The following RIC1 variants were observed in gnomAD, a reference collection of about 807,000 sequenced individuals.
The protein encoded by RIC1 is guanine nucleotide exchange factor subunit RIC1.
Under a neutral mutation model 169.0 loss-of-function variants are expected in RIC1, and 88 were observed. The observed-to-expected ratio is 0.52, with a 90% CI of 0.44 to 0.62. The LOEUF (loss-of-function observed/expected upper bound fraction) is 0.62, where lower values mean the gene tolerates loss of function less well. RIC1 is among the 20% of genes least tolerant of loss of function. The pLI is 0.00. For missense variants in RIC1, 1,877 were observed against 1,725.5 expected (o/e 1.09, Z -1.56); for synonymous variants, 790 against 601.5 (o/e 1.31, Z -4.59).
intron 2 of RIC1, among the ~76,000 whole-genome samples, chr9:5,659,880 G>T (rs1819345354): frequency 6.6e-6 from 1 of 152,154 alleles, no homozygotes; most frequent in South Asian, 2.1e-4. Flanking sequence ...TGTAGGATGT[G>T]TGGGTTTGTT....
chr9:5,641,380 C>T (rs528020890), intron 1 of RIC1, among the ~76,000 whole-genome samples: 110 of 152,126 alleles, frequency 7.2e-4, no homozygotes, highest in African/African-American at 2.1e-3. Flanking sequence ...CATGAGCCAC[C>T]GCGCCCGGCC....
intron 3 of RIC1, among the ~76,000 whole-genome samples, chr9:5,695,801 C>T (rs1267072131): frequency 6.6e-6 from 1 of 151,998 alleles, no homozygotes; most frequent in Non-Finnish European, 1.5e-5. Flanking sequence ...GAACTCCTGA[C>T]CTCAAGTGAT....
chr9:5,732,454 C>G lies in RIC1; in HGVS notation c.787C>G (p.Arg263Gly). 1 of 1,610,654 alleles carries G rather than the reference C, an allele frequency of 6.2e-7. No individual in the cohort carries two copies. Among genetic ancestry groups the G allele is most frequent in the Non-Finnish European group, 8.5e-7 (1 of 1,178,274 alleles). ...GTGTGTAGCAGTAAATAACAAGTAT[C>G]GACTAATGGCATTTGGCTGTGTGAG... ...GTCVAVNNKY[R>G]LMAFGCVSGS... The change falls in exon 7 of 26, where the codon CGA becomes GGA. Residue 263 changes from arginine (R) to glycine (G), a missense_variant. By Grantham distance (125) the Arg-to-Gly change is moderately radical (BLOSUM62 -2). Coordinates refer to ENST00000414202, the MANE Select transcript of RIC1 (RefSeq NM_020829.4).
Position 5,763,136 on chromosome 9 carries a change from C to T in RIC1, c.2113-4C>T. 6.2e-7 allele frequency: 1 copy of T among 1,610,878 alleles called. No individual in the cohort carries two copies. Among genetic ancestry groups the T allele is most frequent in the South Asian group, 1.1e-5 (1 of 90,834 alleles). On this transcript the variant is annotated splice_region_variant and splice_polypyrimidine_tract_variant and intron_variant, in intron 18 of 25. Transcript: ENST00000414202. The surrounding 1 kb of genome is among the most constrained non-coding windows in gnomAD (Gnocchi z 5.2). ...CAACTTGATTCTTGTCTCTCCTTCT[C>T]CAGCTGCCATTCTGTCCTCCTGTTG...
intron 1 of RIC1, among the ~76,000 whole-genome samples, chr9:5,632,984 G>C (rs147707148): frequency 0.028 from 4,261 of 152,258 alleles, 97 homozygotes; most frequent in Admixed American, 0.037. Context: ...AGACAGATGT[G>C]TATAAAAGGG....
At chr9:5,710,526 G>A (rs1002048574) in intron 3 of RIC1, among the ~76,000 whole-genome samples, 2 of 152,142 alleles carry the variant, frequency 1.3e-5, no homozygotes, top group African/African-American at 2.4e-5. Context: ...CTACCCTGCT[G>A]AAGTCCACCA....
At chr9:5,733,421 G>A (rs1824495238) in intron 7 of RIC1, among the ~76,000 whole-genome samples, 1 of 151,684 alleles carries the variant, frequency 6.6e-6, no homozygotes, top group Non-Finnish European at 1.5e-5. Flanking sequence ...CCACCACCAT[G>A]CCCAGCTAAT....
intron 3 of RIC1, chr9:5,712,865 A>T (rs1180744276): frequency 6.6e-6 from 1 of 152,210 alleles, no homozygotes; most frequent in Non-Finnish European, 1.5e-5. Context: ...TAGTTTAGTC[A>T]TTTAGACTTA....
At chr9:5,675,703 G>A (rs201533894) in intron 2 of RIC1, among the ~76,000 whole-genome samples, 31 of 152,138 alleles carry the variant, frequency 2.0e-4, no homozygotes, top group African/African-American at 7.2e-4. Context: ...TTTTAGGGGG[G>A]AAAAATGTAC....
chr9:5,689,937 A>T, intron 2 of RIC1, 22 bp from the exon 3 acceptor site: 1 of 1,481,386 alleles, frequency 6.8e-7, no homozygotes, highest in Non-Finnish European at 9.3e-7. Flanking sequence ...TTAATTCATG[A>T]TTAATAAAAT....
chr9:5,708,505 C>T (rs1257699149), intron 3 of RIC1, among the ~76,000 whole-genome samples: 4 of 152,018 alleles, frequency 2.6e-5, no homozygotes, highest in Admixed American at 1.3e-4. Flanking sequence ...TCTGGAAATT[C>T]ATTAATTTCT....
At chr9:5,642,385 C>T (rs948268754) in intron 1 of RIC1, among the ~76,000 whole-genome samples, 4 of 144,060 alleles carry the variant, frequency 2.8e-5, no homozygotes, top group African/African-American at 8.6e-5. Context: ...CCTGCTGTCA[C>T]CACCACCTGG....
chr9:5,659,091 A>C (rs1277478410), intron 2 of RIC1, among the ~76,000 whole-genome samples: 1 of 152,114 alleles, frequency 6.6e-6, no homozygotes, highest in East Asian at 1.9e-4. Flanking sequence ...TCATTAGTGG[A>C]TGTATATTAC....
At chr9:5,713,809 C>T in intron 3 of RIC1, 87 bp from the exon 4 acceptor site, 1 of 765,092 alleles carries the variant, frequency 1.3e-6, no homozygotes, top group Non-Finnish European at 2.2e-6. Context: ...AGTTTTATTT[C>T]ATTTACTTTA....
chr9:5,638,193 A>G (rs1818068285), intron 1 of RIC1, among the ~76,000 whole-genome samples: 1 of 152,230 alleles, frequency 6.6e-6, no homozygotes, highest in Non-Finnish European at 1.5e-5. Context: ...CCTGGAATAA[A>G]TACCACTTGT....
chr9:5,659,991 C>T (rs1217979057), intron 2 of RIC1, among the ~76,000 whole-genome samples: 1 of 152,120 alleles, frequency 6.6e-6, no homozygotes, highest in African/African-American at 2.4e-5. Flanking sequence ...GATGCTCTCC[C>T]TCATCCTGCG....
chr9:5,722,348 A>AGAGAGAGAGAGTGTGTGT (rs374028302), intron 6 of RIC1, among the ~76,000 whole-genome samples: 4 of 131,336 alleles, frequency 3.0e-5, no homozygotes, highest in South Asian at 2.7e-4. Flanking sequence ...AGAGAGAGAG[A>AGAGAGAGAGAGTGTGTGT]GTGTGTGTGT....
At chr9:5,725,544 A>G (rs1413056429) in intron 6 of RIC1, among the ~76,000 whole-genome samples, 4 of 151,768 alleles carry the variant, frequency 2.6e-5, no homozygotes, top group South Asian at 4.2e-4. Context: ...TGGTTTTTTT[A>G]TGTCTCTATC....
chr9:5,673,075 T>C (rs1472286286), intron 2 of RIC1, among the ~76,000 whole-genome samples: 1 of 152,120 alleles, frequency 6.6e-6, no homozygotes, highest in African/African-American at 2.4e-5. Context: ...TGTAACTAAT[T>C]CCTAGGTTAG....
Sources: allele counts gnomAD v4.1 joint callset (sites outside exome capture counted in the v4.1 genomes callset), GRCh38; gene constraint gnomAD v4.1.1; non-coding constraint Gnocchi (gnomAD v3.1); transcripts MANE v1.5; gene names NCBI Gene and HGNC (gene_info 2026-07-23, HGNC 2026-07-21).